Variants in CFLAR observed in about 807,000 individuals in gnomAD.
CFLAR encodes the protein CASP8 and FADD like apoptosis regulator, also known as CASP8 and FADD-like apoptosis regulator.
In CFLAR, 14 loss-of-function variants were observed where a neutral mutation model predicts 51.1. The observed-to-expected ratio is 0.27, with a 90% CI of 0.18 to 0.43. The LOEUF (loss-of-function observed/expected upper bound fraction) is 0.43, where lower values mean the gene tolerates loss of function less well. CFLAR is among the 20% of genes least tolerant of loss of function. The probability of loss-of-function intolerance (pLI) is 1.00; values close to 1 mark genes in which losing one functional copy is unlikely to be tolerated. For synonymous variants in CFLAR, 210 were observed against 211.6 expected, an observed-to-expected ratio of 0.99 and a Z score of 0.06; for missense variants, 390 against 566.5, an observed-to-expected ratio of 0.69 and a Z score of 3.16.
At chr2:201,158,175 T>A (rs528377891) in intron 8 of CFLAR, among the ~76,000 whole-genome samples, 11 of 152,328 alleles carry the variant, frequency 7.2e-5, no homozygotes, top group Admixed American at 2.6e-4. Context: ...TAGGAGGAGA[T>A]GGAGGAACTA....
rs886259651 is a variant in CFLAR, at chr2:201,126,193, A to AG, written c.-137-3528dup. On this transcript the variant is annotated intron_variant, in intron 1 of 9. Coordinates refer to ENST00000309955, the MANE Select transcript of CFLAR (RefSeq NM_003879.7). ...TTTTATACTTTGGTTTAGAAAGGGG[A>AG]GGGGGGGGTCTAGTTAAAACAATTT... Among the ~76,000 whole-genome samples the AG allele has an allele frequency of 4.1e-3, 626 of 150,890 alleles. 3 individuals are homozygous for AG. Among genetic ancestry groups the AG allele is most frequent in the Middle Eastern group, 0.024 (7 of 292 alleles).
intron 4 of CFLAR, chr2:201,136,862 A>T: frequency 8.7e-6 from 2 of 230,160 alleles, no homozygotes; most frequent in Middle Eastern, 3.5e-3. Flanking sequence ...CAGTGATCCC[A>T]AAGTGTGTAA....
chr2:201,130,344 T>C (rs2049137402), intron 2 of CFLAR, among the ~76,000 whole-genome samples, 198 bp downstream of exon 2: 2 of 146,070 alleles, frequency 1.4e-5, no homozygotes. Context: ...GCTTTCTTTT[T>C]CTTTCTTTCT....
rs1944057097 is a variant in CFLAR at position 201,172,095 on chromosome 2, A to G, written c.*8122A>G. The G allele has an allele frequency of 6.6e-6, 1 of 152,122 alleles. No homozygotes were observed. Among genetic ancestry groups the G allele is most frequent in the South Asian group, 2.1e-4 (1 of 4,830 alleles). 9.4% of individuals were successfully genotyped at this position (152,122 alleles called of 1,614,324 possible). ...TTTTCATTTTATATCTCATGCTGTAATTCTTGGAAAGTATGCTGTAGCTCA... is the reference window on the plus strand; with the variant it reads ...TTTTCATTTTATATCTCATGCTGTAGTTCTTGGAAAGTATGCTGTAGCTCA... On this transcript the variant is annotated 3_prime_UTR_variant, in exon 10 of 10. Coordinates refer to ENST00000309955, the MANE Select transcript of CFLAR (RefSeq NM_003879.7).
intron 6 of CFLAR, among the ~76,000 whole-genome samples, chr2:201,146,045 C>T (rs1940085013): frequency 6.6e-6 from 1 of 152,066 alleles, no homozygotes; most frequent in African/African-American, 2.4e-5. Context: ...TGGCTCACTA[C>T]AGCCTCCACC....
chr2:201,148,805 A>C, intron 6 of CFLAR, 198 bp from the exon 7 acceptor site: 2 of 520,178 alleles, frequency 3.8e-6, no homozygotes, highest in Non-Finnish European at 3.5e-6. Flanking sequence ...CCCTGATAGC[A>C]CTGGGACTTG....
chr2:201,162,901 A>G (rs549222771), intron 9 of CFLAR: 9 of 642,896 alleles, frequency 1.4e-5, no homozygotes, highest in East Asian at 1.1e-4. Context: ...TACTTGATCA[A>G]TCTTCAGTTG....
intron 2 of CFLAR, 91 bp downstream of exon 2, chr2:201,130,237 A>C: frequency 8.1e-7 from 1 of 1,239,816 alleles, no homozygotes; most frequent in Non-Finnish European, 1.1e-6. Flanking sequence ...GATAATAAGA[A>C]GTGCAGCCAC....
intron 9 of CFLAR, among the ~76,000 whole-genome samples, chr2:201,161,936 A>G (rs190028970): frequency 8.6e-5 from 13 of 151,594 alleles, no homozygotes; most frequent in Admixed American, 3.3e-4. Context: ...TAGTGGAGAC[A>G]GGGTTTCCAC....
chr2:201,139,238 G>A (rs999243736), intron 4 of CFLAR: 9 of 350,610 alleles, frequency 2.6e-5, no homozygotes, highest in Non-Finnish European at 4.8e-5. Flanking sequence ...AAGGCAGCGT[G>A]CTCGTTAAGA....
chr2:201,138,609 A>G lies in CFLAR; in HGVS notation c.524-1748A>G, dbSNP rs756524152. 1.4e-4 allele frequency: 225 copies of G among 1,582,196 alleles called. No individual in the cohort carries two copies. The highest frequency in any genetic ancestry group is 1.7e-4 in the Non-Finnish European group (197 of 1,165,748). ...GACGATGCCCACCAGCTTGCTGCCC[A>G]TGGTACCCGTCTCAGTGATGGGGAT... is the stretch of plus-strand genomic sequence containing the variant. On this transcript the variant is annotated intron_variant, in intron 4 of 9. Transcript: ENST00000309955. The surrounding 1 kb of genome is among the most constrained non-coding windows in gnomAD (Gnocchi z 4.0).
At chr2:201,125,521 G>A (rs1045450151) in intron 1 of CFLAR, among the ~76,000 whole-genome samples, 4 of 152,106 alleles carry the variant, frequency 2.6e-5, no homozygotes, top group African/African-American at 4.8e-5. Context: ...AGACAGGAGG[G>A]CACACAGGGA....
intron 6 of CFLAR, chr2:201,148,203 G>A (rs1940616453): frequency 6.6e-6 from 1 of 152,108 alleles, no homozygotes; most frequent in African/African-American, 2.4e-5. Context: ...ATTAATACAT[G>A]TGTAAGTATA....
rs1937604727 is a variant in CFLAR, at chr2:201,138,858, G to A, written c.524-1499G>A. On this transcript the variant is annotated intron_variant, in intron 4 of 9. Coordinates refer to ENST00000309955, the MANE Select transcript of CFLAR (RefSeq NM_003879.7). The surrounding 1 kb of genome is among the most constrained non-coding windows in gnomAD (Gnocchi z 4.0). ...CTCTGTCACAGTGTCCATGGGGGAG[G>A]AGATCAGCGGCGTCTTCAGAGTGAC... 4.2e-6 allele frequency: 3 copies of A among 722,192 alleles called. No homozygotes were observed. Among genetic ancestry groups the A allele is most frequent in the Admixed American group, 3.5e-5 (2 of 57,304 alleles). 44.7% of individuals were successfully genotyped at this position (722,192 alleles called of 1,614,324 possible). A position where few individuals can be genotyped will look rare whatever the true frequency, so the allele number is the denominator to read the frequency against.
At chr2:201,134,441 C>T (rs1203494043) in intron 3 of CFLAR, among the ~76,000 whole-genome samples, 2 of 151,948 alleles carry the variant, frequency 1.3e-5, no homozygotes, top group Non-Finnish European at 2.9e-5. Context: ...TCAAGACCAG[C>T]CTGGCCAACA....
At position 201,168,510 on chromosome 2, in the gene CFLAR, A is replaced by G. The variant is rs544982211; in HGVS notation, c.*4537A>G. On this transcript the variant is annotated 3_prime_UTR_variant, in exon 10 of 10. Transcript: ENST00000309955. ...AACCATTTATGACAAACCCACAGCCATTATCATACTGAATGGGCAAAAGCT... is the reference window on the plus strand; with the variant it reads ...AACCATTTATGACAAACCCACAGCCGTTATCATACTGAATGGGCAAAAGCT... 9 of 152,314 alleles carry G rather than the reference A, an allele frequency of 5.9e-5. No homozygotes were observed. The highest frequency in any genetic ancestry group is 2.2e-4 in the African/African-American group (9 of 41,576). 9.4% of individuals were successfully genotyped at this position (152,314 alleles called of 1,614,324 possible).
intron 5 of CFLAR, among the ~76,000 whole-genome samples, chr2:201,143,863 G>A (rs1336689703): frequency 6.6e-6 from 1 of 151,998 alleles, no homozygotes; most frequent in Non-Finnish European, 1.5e-5. Context: ...TCTGGAGGCC[G>A]AGGCAGGAGA....
At chr2:201,126,442 C>T (rs573544881) in intron 1 of CFLAR, among the ~76,000 whole-genome samples, 128 of 152,236 alleles carry the variant, frequency 8.4e-4, no homozygotes, top group Non-Finnish European at 1.0e-3. Flanking sequence ...CAAGTTAAGT[C>T]CTTGCGGAAG....
Position 201,160,724 on chromosome 2 carries a change from G to A in CFLAR, c.1086G>A (p.Val362=). The A allele has an allele frequency of 6.2e-7, 1 of 1,614,170 alleles. No individual in the cohort carries two copies. Among genetic ancestry groups the A allele is most frequent in the Non-Finnish European group, 8.5e-7 (1 of 1,180,042 alleles). The part of the protein sequence containing the change: ...PKMFFIQNYV[V]SEGQLEDSSL... ...TGTTTTTTATTCAGAACTATGTGGT[G>A]TCAGAGGGCCAGCTGGAGGACAGCA... The change falls in exon 9 of 10, where the codon GTG becomes GTA. Residue 362 remains valine, a synonymous_variant. Coordinates refer to ENST00000309955, the MANE Select transcript of CFLAR (RefSeq NM_003879.7).
Sources: allele counts gnomAD v4.1 joint callset (sites outside exome capture counted in the v4.1 genomes callset), GRCh38; gene constraint gnomAD v4.1.1; non-coding constraint Gnocchi (gnomAD v3.1); transcripts MANE v1.5; gene names NCBI Gene and HGNC (gene_info 2026-07-23, HGNC 2026-07-21).